The following A3GALT2 variants were observed in gnomAD, a reference collection of about 807,000 sequenced individuals.
A3GALT2 encodes the protein alpha 1,3-galactosyltransferase 2.
A3GALT2 carries 14 observed loss-of-function variants against 16.6 expected under a neutral mutation model. That is an observed-to-expected ratio of 0.84 (90% CI 0.56 to 1.32). The LOEUF (loss-of-function observed/expected upper bound fraction) is 1.32, where lower values mean the gene tolerates loss of function less well. Among genes scored for constraint, A3GALT2 ranks in the 40% most tolerant of loss-of-function variants. The probability of loss-of-function intolerance (pLI) is 0.00; values close to 1 mark genes in which losing one functional copy is unlikely to be tolerated. For synonymous variants in A3GALT2, 253 were observed against 218.0 expected (o/e 1.16, Z -1.42); for missense variants, 600 against 490.9 (o/e 1.22, Z -2.10).
At position 33,315,251 on chromosome 1, in the gene A3GALT2, A is replaced by G. The variant is rs189755374; in HGVS notation, c.24-2361T>C. On this transcript the variant is annotated intron_variant, in intron 1 of 4. Transcript: ENST00000442999. The stretch of plus-strand genomic sequence containing the variant: ...ACAAAAATTAGCTGGCCGTGGTGGC[A>G]CGCGTCGGTAGTCCCAGCTACTTGG... Among the ~76,000 whole-genome samples the G allele has an allele frequency of 3.3e-3, 495 of 152,202 alleles. 1 individual carries two copies. The highest frequency in any genetic ancestry group is 0.011 in the African/African-American group (463 of 41,512).
chr1:33,312,070 G>T lies in A3GALT2; in HGVS notation c.317C>A (p.Thr106Asn). The change falls in exon 4 of 5, where the codon ACT becomes AAT. Residue 106 changes from threonine to asparagine, a missense_variant. Coordinates refer to ENST00000442999, the MANE Select transcript of A3GALT2 (RefSeq NM_001080438.1). ...GCCTTACCTGCCTACAGCAAAGATA[G>T]TCAGCCCAATGGTGAGGTTCTGCTG... is the stretch of plus-strand genomic sequence containing the variant. ...ARQQNLTIGL[T>N]IFAVGRYLEK... 1 of 1,541,154 alleles carries T rather than the reference G, an allele frequency of 6.5e-7. No homozygotes were observed. The highest frequency in any genetic ancestry group is 1.1e-5 in the South Asian group (1 of 89,590).
chr1:33,313,171 C>CTG (rs10649873), intron 1 of A3GALT2, among the ~76,000 whole-genome samples: 99,390 of 99,826 alleles, frequency 1, 49,521 homozygotes, highest in Middle Eastern at 1. Context: ...GGCTCAGTGA[C>CTG]GGAGTTTTTT....
chr1:33,312,680 A>G, intron 2 of A3GALT2, 90 bp from the exon 3 acceptor site: 1 of 1,450,330 alleles, frequency 6.9e-7, no homozygotes, highest in Admixed American at 1.9e-5. Context: ...TTACAAGGAG[A>G]GAGAGCTCAC....
Position 33,306,886 on chromosome 1 carries a change from G to T in A3GALT2, c.903C>A (p.His301Gln). The T allele has an allele frequency of 6.6e-7, 1 of 1,521,956 alleles. No individual in the cohort carries two copies. The allele number at this position is 1,521,956 out of a possible 1,614,324, so 94.3% of individuals were successfully genotyped here. Reference protein sequence around the residue: ...ESHLNKFFWLHKPAKVLSPEF... With the variant: ...ESHLNKFFWLQKPAKVLSPEF... The stretch of plus-strand genomic sequence containing the variant: ...CGGGCGACAGCACCTTGGCGGGCTT[G>T]TGCAGCCAGAAGAACTTGTTGAGGT... Residue 301 changes from histidine to glutamine, a missense_variant, in exon 5 of 5, where the codon CAC becomes CAA. Physicochemically the swap from His to Gln is conservative, Grantham distance 24. Transcript: ENST00000442999.
intron 1 of A3GALT2, among the ~76,000 whole-genome samples, chr1:33,317,162 A>C (rs941998997): frequency 1.3e-5 from 2 of 152,146 alleles, no homozygotes; most frequent in African/African-American, 4.8e-5. Context: ...AGAAGGCTTT[A>C]GTGTCCAGCT....
At chr1:33,312,305 A>G in intron 3 of A3GALT2, 116 bp from the exon 4 acceptor site, 2 of 1,451,214 alleles carry the variant, frequency 1.4e-6, no homozygotes, top group Non-Finnish European at 1.9e-6. Context: ...GATGAGACCT[A>G]GTTGCTGCCC....
intron 4 of A3GALT2, among the ~76,000 whole-genome samples, chr1:33,309,528 C>A (rs534275076): frequency 6.6e-6 from 1 of 151,744 alleles, no homozygotes; most frequent in Non-Finnish European, 1.5e-5. Flanking sequence ...TGGGTGGAGA[C>A]GCTCCTCACT....
At chr1:33,308,821 G>C (rs1646217977) in intron 4 of A3GALT2, among the ~76,000 whole-genome samples, 1 of 134,460 alleles carries the variant, frequency 7.4e-6, no homozygotes, top group Non-Finnish European at 1.5e-5. Flanking sequence ...CAGAGAGGGG[G>C]ATTTGGCAGG....
Position 33,320,926 on chromosome 1 carries a change from G to A in A3GALT2, c.23+150C>T. ...TCCTGGGGCAATGTCCCCTCTCGGA[G>A]CCACCTTTCCCCAGGACTGGAGGCT... is the stretch of plus-strand genomic sequence containing the variant. On this transcript the variant is annotated intron_variant, in intron 1 of 4. Transcript: ENST00000442999. This position sits in a 1 kb window ranked among gnomAD's most constrained non-coding sequence, Gnocchi z 4.3. 2.1e-6 allele frequency: 2 copies of A among 974,996 alleles called. No homozygotes were observed. Among genetic ancestry groups the A allele is most frequent in the Non-Finnish European group, 3.1e-6 (2 of 641,956 alleles). The allele number at this position is 974,996 out of a possible 1,614,324, so 60.4% of individuals were successfully genotyped here. A position where few individuals can be genotyped will look rare whatever the true frequency, so the allele number is the denominator to read the frequency against.
At chr1:33,317,055 A>C (rs1301419979) in intron 1 of A3GALT2, among the ~76,000 whole-genome samples, 1 of 152,118 alleles carries the variant, frequency 6.6e-6, no homozygotes, top group Non-Finnish European at 1.5e-5. Context: ...CACAAGCGAG[A>C]CTTGAGCTTG....
chr1:33,311,179 A>G (rs1471583941), intron 4 of A3GALT2, among the ~76,000 whole-genome samples: 1 of 152,172 alleles, frequency 6.6e-6, no homozygotes, highest in African/African-American at 2.4e-5. Context: ...ACTGTCAGCC[A>G]AGAGTCCCCT....
At position 33,307,372 on chromosome 1, in the gene A3GALT2, C is replaced by T; in HGVS notation, c.417G>A (p.Val139=). 3 of 1,559,066 alleles carry T rather than the reference C, an allele frequency of 1.9e-6. No homozygotes were observed. The highest frequency in any genetic ancestry group is 2.6e-5 in the East Asian group (1 of 38,468). The change falls in exon 5 of 5, where the codon GTG becomes GTA. Residue 139 remains valine (V), a synonymous_variant. Coordinates refer to ENST00000442999, the MANE Select transcript of A3GALT2 (RefSeq NM_001080438.1). ...GCACCGCTCCCGGAAGCTCGGTGAA[C>T]ACGTAGTACATCACGCTCTGGCCCG... The part of the protein sequence containing the change: ...FMAGQSVMYY[V]FTELPGAVPR...
chr1:33,310,822 G>T (rs527885530), intron 4 of A3GALT2, among the ~76,000 whole-genome samples: 20 of 152,330 alleles, frequency 1.3e-4, no homozygotes, highest in Non-Finnish European at 2.1e-4. Flanking sequence ...CTAGGGCTGG[G>T]GCAGGAACGC....
In A3GALT2 at chr1:33,320,761, C is replaced by G. The variant is rs1211408355; in HGVS notation, c.23+315G>C. Reference sequence around the variant, plus strand: ...TTACAGTCGGGGAGGGAATGTACCCCCGGGTCTCTGCTTTCCGGCTCGCCA... The same window carrying G: ...TTACAGTCGGGGAGGGAATGTACCCGCGGGTCTCTGCTTTCCGGCTCGCCA... On this transcript the variant is annotated intron_variant, in intron 1 of 4. Transcript: ENST00000442999. This position sits in a 1 kb window ranked among gnomAD's most constrained non-coding sequence, Gnocchi z 4.3. Among the ~76,000 whole-genome samples, 1 of 151,968 alleles carries G rather than the reference C, an allele frequency of 6.6e-6. No homozygotes were observed. The highest frequency in any genetic ancestry group is 1.5e-5 in the Non-Finnish European group (1 of 68,026).
intron 1 of A3GALT2, among the ~76,000 whole-genome samples, chr1:33,315,431 G>A (rs1184599047): frequency 6.6e-6 from 1 of 151,708 alleles, no homozygotes; most frequent in East Asian, 1.9e-4. Context: ...TGTAGTTCCA[G>A]CTATTCAGGA....
rs144946790 is a variant in A3GALT2 at position 33,307,275 on chromosome 1, C to T, written c.514G>A (p.Val172Met). 1.4e-6 allele frequency: 2 copies of T among 1,451,612 alleles called. No individual in the cohort carries two copies. Among genetic ancestry groups the T allele is most frequent in the Non-Finnish European group, 1.8e-6 (2 of 1,107,414 alleles). The allele number at this position is 1,451,612 out of a possible 1,614,324, so 89.9% of individuals were successfully genotyped here. ...AACGTGCGCATGCGCGCCATCGACA[C>T]GTCTTGCCAGCGCCGCTCGCGCGCC... ...RVARERRWQD[V>M]SMARMRTLHA... The change falls in exon 5 of 5, where the codon GTG (valine) becomes ATG (methionine). Residue 172 changes from valine to methionine, a missense_variant. Coordinates refer to ENST00000442999, the MANE Select transcript of A3GALT2 (RefSeq NM_001080438.1).
At chr1:33,311,517 C>A (rs1211656235) in intron 4 of A3GALT2, among the ~76,000 whole-genome samples, 1 of 152,206 alleles carries the variant, frequency 6.6e-6, no homozygotes, top group Admixed American at 6.5e-5. Context: ...TCACCCCCTT[C>A]CTCTCTTCAC....
At chr1:33,314,471 A>AG (rs1646252198) in intron 1 of A3GALT2, 1 of 152,570 alleles carries the variant, frequency 6.6e-6, no homozygotes, top group South Asian at 2.1e-4. Context: ...GTTCCTCAGC[A>AG]GGTGTGTCTA....
intron 4 of A3GALT2, among the ~76,000 whole-genome samples, chr1:33,310,856 G>A (rs1458347124): frequency 6.6e-6 from 1 of 152,230 alleles, no homozygotes; most frequent in Non-Finnish European, 1.5e-5. Context: ...TGTGATGGAA[G>A]TGGGAGCACC....
Sources: allele counts gnomAD v4.1 joint callset (sites outside exome capture counted in the v4.1 genomes callset), GRCh38; gene constraint gnomAD v4.1.1; non-coding constraint Gnocchi (gnomAD v3.1); transcripts MANE v1.5; gene names NCBI Gene and HGNC (gene_info 2026-07-23, HGNC 2026-07-21).